Variants in XPNPEP2 observed in about 807,000 individuals in gnomAD.
XPNPEP2 encodes xaa-Pro aminopeptidase 2.
Under a neutral mutation model 59.8 loss-of-function variants are expected in XPNPEP2, and 64 were observed. That is an observed-to-expected ratio of 1.07 (90% CI 0.87 to 1.32). XPNPEP2 has a LOEUF of 1.32. Ranked by LOEUF, XPNPEP2 falls within the 40% of genes most tolerant of loss-of-function variation. The pLI is 0.00. For missense variants in XPNPEP2, 575 were observed against 546.8 expected (o/e 1.05, Z -0.51); for synonymous variants, 235 against 210.0 (o/e 1.12, Z -1.03).
rs187447712 is a variant in XPNPEP2 at position 129,751,603 on chromosome X, G to A, written c.740-142G>A. ...GAAAGAAAGAAAGAAAGAAAGGAAG[G>A]AAGGAAGGAAGGAAGGAAGGAAGGA... On this transcript the variant is annotated intron_variant, in intron 8 of 20. Coordinates refer to ENST00000371106, the MANE Select transcript of XPNPEP2 (RefSeq NM_003399.6). 4.4e-3 allele frequency: 878 copies of A among 201,004 alleles called. 18 individuals carry two copies. The highest frequency in any genetic ancestry group is 0.018 in the African/African-American group (306 of 17,437). 16.6% of individuals were successfully genotyped at this position (201,004 alleles called of 1,213,427 possible). A position where few individuals can be genotyped will look rare whatever the true frequency, so the allele number is the denominator to read the frequency against.
rs988090992 is a variant in XPNPEP2 at position 129,760,405 on chromosome X, A to G, written c.1429-107A>G. ...ATGAGACTCCCCCCACCCTGCCTAC[A>G]CACACCCAGGCCTGGGCCCTGCACC... On this transcript the variant is annotated intron_variant, in intron 15 of 20. Coordinates refer to ENST00000371106, the MANE Select transcript of XPNPEP2 (RefSeq NM_003399.6). 2.3e-5 allele frequency: 19 copies of G among 842,743 alleles called. No individual in the cohort carries two copies. In the Admixed American group the frequency reaches 2.8e-4, roughly 12 times the overall value. The allele number at this position is 842,743 out of a possible 1,213,427, so 69.5% of individuals were successfully genotyped here. A position where few individuals can be genotyped will look rare whatever the true frequency, so the allele number is the denominator to read the frequency against.
chrX:129,751,021 G>A (rs1302707243), intron 8 of XPNPEP2, among the ~76,000 whole-genome samples: 1 of 109,608 alleles, frequency 9.1e-6, no homozygotes. Context: ...CTGGAACTGT[G>A]TGCTGACTGC....
Position 129,752,280 on chromosome X carries a change from G to T in XPNPEP2, c.952G>T (p.Gly318Ter). 1 of 1,212,084 alleles carries T rather than the reference G, an allele frequency of 8.3e-7. No individual in the cohort carries two copies. The highest frequency in any genetic ancestry group is 1.1e-6 in the Non-Finnish European group (1 of 895,586). The change falls in exon 10 of 21, where the codon GGA becomes TGA. Residue 318 changes from glycine to a stop codon, truncating the protein, a stop_gained. Coordinates refer to ENST00000371106, the MANE Select transcript of XPNPEP2 (RefSeq NM_003399.6). LOFTEE classifies it high-confidence loss of function. ...VRDSIQAYSLGDVRIWIGTSY... is the reference protein window; with the variant it reads ...VRDSIQAYSL The stretch of plus-strand genomic sequence containing the variant: ...TGACAGCATCCAGGCCTACTCATTG[G>T]GAGATGTGAGGATCTGGATTGGGAC...
At chrX:129,765,009 G>A (rs897733752) in intron 19 of XPNPEP2, among the ~76,000 whole-genome samples, 2 of 111,811 alleles carry the variant, frequency 1.8e-5, no homozygotes, top group African/African-American at 3.3e-5. Context: ...GGAAAAAAAA[G>A]TCTCTTTCTT....
chrX:129,748,247 C>T, intron 7 of XPNPEP2, among the ~76,000 whole-genome samples: 1 of 112,143 alleles, frequency 8.9e-6, no homozygotes, highest in East Asian at 2.8e-4. Context: ...AGTTCAGAGT[C>T]ATTCTGTAGC....
intron 16 of XPNPEP2, among the ~76,000 whole-genome samples, chrX:129,760,927 T>C (rs1926644449): frequency 8.9e-6 from 1 of 112,027 alleles, no homozygotes; most frequent in African/African-American, 3.3e-5. Flanking sequence ...GAGGCATCAA[T>C]TCAGGTAATG....
rs770216375 is a variant in XPNPEP2, at chrX:129,747,607, A to T, written c.491A>T (p.Asp164Val). The T allele has an allele frequency of 2.3e-5, 28 of 1,209,536 alleles. No homozygotes were observed. In the Admixed American group the frequency reaches 5.9e-4, roughly 25 times the overall value. Residue 164 changes from aspartate (D) to valine (V), a missense_variant and splice_region_variant, in exon 7 of 21, where the codon GAC becomes GTC. By Grantham distance (152) the Asp-to-Val change is radical. Coordinates refer to ENST00000371106, the MANE Select transcript of XPNPEP2 (RefSeq NM_003399.6). ...AAGTGACTCCTTCTTGTCTCTGCAGACACCTGGGAGAGTTATGATCTGGCC... is the reference window on the plus strand; with the variant it reads ...AAGTGACTCCTTCTTGTCTCTGCAGTCACCTGGGAGAGTTATGATCTGGCC... ...VGFDPFLLSI[D>V]TWESYDLALQ...
chrX:129,744,115 G>T, intron 3 of XPNPEP2, 44 bp downstream of exon 3: 2 of 1,096,603 alleles, frequency 1.8e-6, no homozygotes, highest in Non-Finnish European at 2.5e-6. Flanking sequence ...TGCTACCCTG[G>T]GTCAGAGACC....
At chrX:129,764,850 G>A (rs1468740771) in intron 19 of XPNPEP2, among the ~76,000 whole-genome samples, 1 of 109,886 alleles carries the variant, frequency 9.1e-6, no homozygotes, top group Admixed American at 9.8e-5. Context: ...TGTAATCTCA[G>A]CTACTCAGGA....
intron 19 of XPNPEP2, among the ~76,000 whole-genome samples, chrX:129,766,698 T>C (rs773699044): frequency 8.9e-6 from 1 of 111,979 alleles, no homozygotes; most frequent in Non-Finnish European, 1.9e-5. Flanking sequence ...TGTGTTTTTT[T>C]GTAGAGACTG....
chrX:129,758,173 T>A, intron 14 of XPNPEP2, among the ~76,000 whole-genome samples: 1 of 111,674 alleles, frequency 9.0e-6, no homozygotes, highest in Non-Finnish European at 1.9e-5. Context: ...AGAGGCTCTT[T>A]GCTTGTTCTT....
intron 19 of XPNPEP2, among the ~76,000 whole-genome samples, chrX:129,763,403 C>T (rs1165317455): frequency 8.9e-6 from 1 of 112,472 alleles, no homozygotes; most frequent in Admixed American, 9.4e-5. Context: ...TGCAGTGCCT[C>T]ATGCCTGTAA....
chrX:129,755,407 G>A, intron 13 of XPNPEP2, 36 bp downstream of exon 13: 1 of 1,161,226 alleles, frequency 8.6e-7, no homozygotes, highest in Non-Finnish European at 1.2e-6. Context: ...GGGCCCTGTT[G>A]GGGCATCCTG....
chrX:129,747,490 C>A, intron 6 of XPNPEP2, 117 bp from the exon 7 acceptor site: 22 of 1,049,066 alleles, frequency 2.1e-5, no homozygotes, highest in Non-Finnish European at 2.9e-5. Flanking sequence ...GGGCAGGCTC[C>A]GGGCAGCTGG....
intron 19 of XPNPEP2, among the ~76,000 whole-genome samples, chrX:129,763,438 C>T (rs1372071174): frequency 2.7e-5 from 3 of 111,980 alleles, no homozygotes; most frequent in Non-Finnish European, 5.6e-5. Context: ...GAGGCCAAGG[C>T]AGGAGGATCG....
chrX:129,746,641 T>C lies in XPNPEP2; in HGVS notation c.450T>C (p.Ala150=), dbSNP rs1305321060. The C allele has an allele frequency of 8.3e-7, 1 of 1,210,629 alleles. No individual in the cohort carries two copies. The highest frequency in any genetic ancestry group is 3.0e-5 in the East Asian group (1 of 33,815). ...CCTGGCTCCTCACCGAGATTCCTGC[T>C]GGAGGGCGTGTGGGTTTTGACCCCT... is the stretch of plus-strand genomic sequence containing the variant. ...IVTWLLTEIP[A]GGRVGFDPFL... Residue 150 remains alanine (A), a synonymous_variant, in exon 6 of 21, where the codon GCT becomes GCC. Transcript: ENST00000371106.
intron 15 of XPNPEP2, among the ~76,000 whole-genome samples, chrX:129,759,891 G>A (rs1461192324): frequency 8.9e-6 from 1 of 112,437 alleles, no homozygotes; most frequent in Non-Finnish European, 1.9e-5. Flanking sequence ...GCCTCTGGAA[G>A]TGACCAGAAG....
chrX:129,752,006 C>A, intron 9 of XPNPEP2, 144 bp from the exon 10 acceptor site: 1 of 808,253 alleles, frequency 1.2e-6, no homozygotes, highest in Non-Finnish European at 1.8e-6. Flanking sequence ...AACCTCTGTC[C>A]CTATTGAATC....
intron 19 of XPNPEP2, among the ~76,000 whole-genome samples, chrX:129,763,651 T>C (rs1435270747): frequency 9.0e-6 from 1 of 111,071 alleles, no homozygotes; most frequent in East Asian, 2.8e-4. Context: ...CTAGCCTCGG[T>C]AACAGAGCAA....
Sources: gnomAD v4.1 joint callset for allele counts (sites outside exome capture counted in the v4.1 genomes callset) on GRCh38, gnomAD v4.1.1 for gene constraint, MANE v1.5 for transcripts, NCBI Gene and HGNC (gene_info 2026-07-23, HGNC 2026-07-21) for gene names.